Variants in ELOVL5 observed in about 807,000 individuals in gnomAD.
The protein encoded by ELOVL5 is very long chain fatty acid elongase 5.
Under a neutral mutation model 38.6 loss-of-function variants are expected in ELOVL5, and 8 were observed. That is an observed-to-expected ratio of 0.21 (90% CI 0.12 to 0.37). The LOEUF is 0.37. ELOVL5 is among the 10% of genes least tolerant of loss of function. The pLI, the probability that ELOVL5 is intolerant of heterozygous loss-of-function variation, is 1.00. For synonymous variants in ELOVL5, 127 were observed against 133.7 expected, an observed-to-expected ratio of 0.95 and a Z score of 0.34; for missense variants, 280 against 367.8, an observed-to-expected ratio of 0.76 and a Z score of 1.95.
chr6:53,339,996 G>GT (rs1238655899), intron 1 of ELOVL5, among the ~76,000 whole-genome samples: 5 of 152,052 alleles, frequency 3.3e-5, no homozygotes, highest in Non-Finnish European at 7.4e-5. Context: ...TCCTGCCCCT[G>GT]TACAGACCTA....
At chr6:53,283,901 G>A (rs1445957068) in intron 3 of ELOVL5, among the ~76,000 whole-genome samples, 2 of 151,070 alleles carry the variant, frequency 1.3e-5, no homozygotes, top group East Asian at 3.9e-4. Flanking sequence ...TTCATAGAAA[G>A]AACTACTTAC....
Position 53,275,195 on chromosome 6 carries a change from TGAA to T in ELOVL5, c.388_390del (p.Phe130del). On this transcript the variant is annotated inframe_deletion, in exon 5 of 8. Coordinates refer to ENST00000304434, the MANE Select transcript of ELOVL5 (RefSeq NM_021814.5). ...ATCTGGTGGTTGTTCTTGCGCAGGA[TGAA>T]GAAGAAAGTGTCCATAAATTCTATG... 2 of 1,614,058 alleles carry T rather than the reference TGAA, an allele frequency of 1.2e-6. No homozygotes were observed. Among genetic ancestry groups the T allele is most frequent in the Non-Finnish European group, 1.7e-6 (2 of 1,179,982 alleles).
At chr6:53,335,853 C>T (rs951924493) in intron 1 of ELOVL5, among the ~76,000 whole-genome samples, 22 of 152,162 alleles carry the variant, frequency 1.4e-4, no homozygotes, top group Admixed American at 1.2e-3. Context: ...TAAAAGAAAG[C>T]ACCATCCGCG....
chr6:53,306,074 C>T (rs190159689), intron 1 of ELOVL5, among the ~76,000 whole-genome samples: 2,153 of 151,076 alleles, frequency 0.014, 62 homozygotes, highest in African/African-American at 0.049. Flanking sequence ...CGTGGCGGCG[C>T]GCGCCTGCAA....
chr6:53,279,842 T>C (rs1766288705), intron 3 of ELOVL5, among the ~76,000 whole-genome samples: 1 of 152,186 alleles, frequency 6.6e-6, no homozygotes, highest in South Asian at 2.1e-4. Flanking sequence ...TTGAAGCTTA[T>C]TCACCTAAGA....
At chr6:53,308,060 T>C (rs1050296444) in intron 1 of ELOVL5, among the ~76,000 whole-genome samples, 12 of 152,124 alleles carry the variant, frequency 7.9e-5, no homozygotes, top group African/African-American at 2.4e-4. Context: ...TGAATTCATA[T>C]AGTTTTACGA....
intron 1 of ELOVL5, among the ~76,000 whole-genome samples, chr6:53,311,828 A>C (rs1767846913): frequency 6.6e-6 from 1 of 152,180 alleles, no homozygotes; most frequent in South Asian, 2.1e-4. Flanking sequence ...ATGGGAAGTG[A>C]CCGATACTGT....
intron 1 of ELOVL5, among the ~76,000 whole-genome samples, chr6:53,335,954 G>A (rs866179729): frequency 1.3e-5 from 2 of 152,146 alleles, no homozygotes; most frequent in Non-Finnish European, 1.5e-5. Flanking sequence ...AGGAATTTAC[G>A]CAGGGTCATA....
At chr6:53,307,176 CA>C (rs1231180781) in intron 1 of ELOVL5, among the ~76,000 whole-genome samples, 1 of 152,216 alleles carries the variant, frequency 6.6e-6, no homozygotes, top group African/African-American at 2.4e-5. Flanking sequence ...AGGAAAGTGA[CA>C]GAGACAGACA....
intron 3 of ELOVL5, among the ~76,000 whole-genome samples, chr6:53,288,952 G>C (rs1204136937): frequency 6.6e-6 from 1 of 152,162 alleles, no homozygotes; most frequent in African/African-American, 2.4e-5. Flanking sequence ...TGTAGTCCCA[G>C]CCACTTGGGA....
chr6:53,292,734 T>C (rs1004641968), intron 2 of ELOVL5, among the ~76,000 whole-genome samples: 1 of 152,156 alleles, frequency 6.6e-6, no homozygotes, highest in East Asian at 1.9e-4. Flanking sequence ...GAGGCTGCAG[T>C]GAGCTGAGAT....
chr6:53,301,635 C>A (rs1767255258), intron 1 of ELOVL5, among the ~76,000 whole-genome samples: 1 of 152,104 alleles, frequency 6.6e-6, no homozygotes. Flanking sequence ...GAAAAAAAGT[C>A]CCAATGAAAA....
At chr6:53,284,498 T>C (rs755265098) in intron 3 of ELOVL5, among the ~76,000 whole-genome samples, 2 of 152,054 alleles carry the variant, frequency 1.3e-5, no homozygotes, top group Non-Finnish European at 2.9e-5. Flanking sequence ...TGAATAACTT[T>C]TGAATAAGTA....
In ELOVL5 at chr6:53,288,087, G is replaced by A; in HGVS notation, c.246+3689C>T. 3 of 736,702 alleles carry A rather than the reference G, an allele frequency of 4.1e-6. No homozygotes were observed. The Admixed American group carries it at 6.4e-5, about 16-fold the overall frequency. 45.6% of individuals were successfully genotyped at this position (736,702 alleles called of 1,614,324 possible). On this transcript the variant is annotated intron_variant, in intron 3 of 7. Coordinates refer to ENST00000304434, the MANE Select transcript of ELOVL5 (RefSeq NM_021814.5). Reference sequence around the variant, plus strand: ...AACCACCTGTAACACTCTAACAAAGGAGTTAAAAGTGGCTTTGATAGCTCA... The same window carrying A: ...AACCACCTGTAACACTCTAACAAAGAAGTTAAAAGTGGCTTTGATAGCTCA...
At chr6:53,341,918 T>C (rs1028557420) in intron 1 of ELOVL5, among the ~76,000 whole-genome samples, 2 of 152,172 alleles carry the variant, frequency 1.3e-5, no homozygotes, top group South Asian at 2.1e-4. Context: ...AAGTTCTACA[T>C]AGATTCTAGG....
chr6:53,283,685 T>C (rs572020371), intron 3 of ELOVL5, among the ~76,000 whole-genome samples: 2 of 152,164 alleles, frequency 1.3e-5, no homozygotes, highest in South Asian at 4.1e-4. Flanking sequence ...TAGGAGTGAA[T>C]GGAAGAATGC....
chr6:53,337,906 A>G (rs1769145784), intron 1 of ELOVL5, among the ~76,000 whole-genome samples: 1 of 152,224 alleles, frequency 6.6e-6, no homozygotes. Context: ...AAAGTTTGGT[A>G]AAAGCATGGT....
At chr6:53,316,791 G>A in intron 1 of ELOVL5, among the ~76,000 whole-genome samples, 1 of 152,026 alleles carries the variant, frequency 6.6e-6, no homozygotes, top group East Asian at 1.9e-4. Flanking sequence ...CTGCGGGTGT[G>A]TGAGGGGTGG....
chr6:53,326,220 A>C (rs879677277), intron 1 of ELOVL5, among the ~76,000 whole-genome samples: 1 of 152,068 alleles, frequency 6.6e-6, no homozygotes, highest in Non-Finnish European at 1.5e-5. Flanking sequence ...ACCAAGGCCC[A>C]TTTTCTTTCC....
Sources: allele counts gnomAD v4.1 joint callset (sites outside exome capture counted in the v4.1 genomes callset), GRCh38; gene constraint gnomAD v4.1.1; transcripts MANE v1.5; gene names NCBI Gene and HGNC (gene_info 2026-07-23, HGNC 2026-07-21).